The following AK8 variants were observed in gnomAD, a reference collection of about 807,000 sequenced individuals.
AK8 encodes the protein adenylate kinase 8, also known as ATP-AMP transphosphorylase 8.
In AK8, 44 loss-of-function variants were observed where a neutral mutation model predicts 54.6. The observed-to-expected ratio is 0.81, with a 90% confidence interval of 0.63 to 1.04. The LOEUF (loss-of-function observed/expected upper bound fraction) is 1.04, where lower values mean the gene tolerates loss of function less well. AK8 is among the 50% of genes least tolerant of loss of function. AK8 has a pLI of 0.00. For missense variants in AK8, 555 were observed against 613.6 expected (o/e 0.90, Z 1.01); for synonymous variants, 239 against 245.6 (o/e 0.97, Z 0.25).
At chr9:132,844,928 T>C (rs1402931979) in intron 5 of AK8, among the ~76,000 whole-genome samples, 1 of 152,208 alleles carries the variant, frequency 6.6e-6, no homozygotes, top group African/African-American at 2.4e-5. Context: ...AACACTGTGT[T>C]TGCATCTCAG....
At chr9:132,867,177 G>A (rs534443055) in intron 2 of AK8, among the ~76,000 whole-genome samples, 104 of 152,054 alleles carry the variant, frequency 6.8e-4, no homozygotes, top group African/African-American at 2.4e-3. Flanking sequence ...CTGCCTCCAA[G>A]GGGACAGAGA....
intron 11 of AK8, among the ~76,000 whole-genome samples, chr9:132,767,983 T>C (rs1422504843): frequency 1.3e-5 from 2 of 152,178 alleles, no homozygotes; most frequent in African/African-American, 2.4e-5. Flanking sequence ...AGAGGTTGGT[T>C]ACTGGGCAAG....
intron 9 of AK8, among the ~76,000 whole-genome samples, chr9:132,816,439 T>C (rs961009317): frequency 2.0e-5 from 3 of 152,028 alleles, no homozygotes. Context: ...CTGTGCTAAG[T>C]GTGCTTTGTT....
chr9:132,878,806 G>T, upstream of AK8: 2 of 981,084 alleles, frequency 2.0e-6, no homozygotes, highest in South Asian at 4.7e-5. The surrounding 1 kb of genome is among the most constrained non-coding windows in gnomAD (Gnocchi z 4.7). Context: ...CCCGGCTCTG[G>T]CCAAGCCGCC....
chr9:132,877,949 T>C (rs1844208417), intron 1 of AK8: 5 of 1,158,322 alleles, frequency 4.3e-6, no homozygotes, highest in Non-Finnish European at 6.2e-6. Context: ...GCCCCCTTCC[T>C]CCCCCTGGGT....
Position 132,850,145 on chromosome 9 carries a change from C to T in AK8, c.402+4712G>A, listed in dbSNP as rs1432425119. 3.3e-5 allele frequency among the ~76,000 whole-genome samples: 5 copies of T among 149,342 alleles called. No individual in the cohort carries two copies. In the East Asian group the frequency reaches 9.9e-4, roughly 29 times the overall value. On this transcript the variant is annotated intron_variant, in intron 5 of 12. Transcript: ENST00000298545. Reference sequence around the variant, plus strand: ...GTCGGCTCACTGCAACTTCCACCTCCTGGGTTCAAGCCATTCCCCTGCCTC... The same window carrying T: ...GTCGGCTCACTGCAACTTCCACCTCTTGGGTTCAAGCCATTCCCCTGCCTC...
intron 5 of AK8, among the ~76,000 whole-genome samples, chr9:132,830,472 T>C (rs902229585): frequency 4.6e-5 from 7 of 152,244 alleles, no homozygotes; most frequent in Admixed American, 3.3e-4. Context: ...AAATACAGTA[T>C]ACCACTGCTG....
At chr9:132,813,993 G>A (rs1346039612) in intron 10 of AK8, among the ~76,000 whole-genome samples, 1 of 152,070 alleles carries the variant, frequency 6.6e-6, no homozygotes, top group African/African-American at 2.4e-5. Context: ...TAAAGGATGT[G>A]GGGGCAGGAA....
Position 132,790,930 on chromosome 9 carries a change from T to C in AK8, c.1121+1704A>G, listed in dbSNP as rs1839920389. Among the ~76,000 whole-genome samples the C allele has an allele frequency of 6.6e-6, 1 of 152,096 alleles. No individual in the cohort carries two copies. Among genetic ancestry groups the C allele is most frequent in the African/African-American group, 2.4e-5 (1 of 41,396 alleles). ...ATGGAATGAAAATATCTTATTATAATATCAGTAAGAAGAACAAGAGATAAT... is the reference window on the plus strand; with the variant it reads ...ATGGAATGAAAATATCTTATTATAACATCAGTAAGAAGAACAAGAGATAAT... On this transcript the variant is annotated intron_variant, in intron 11 of 12. Coordinates refer to ENST00000298545, the MANE Select transcript of AK8 (RefSeq NM_152572.3). The surrounding 1 kb of genome is among the most constrained non-coding windows in gnomAD (Gnocchi z 4.1).
At chr9:132,739,176 G>A (rs971426994) in intron 11 of AK8, among the ~76,000 whole-genome samples, 3 of 151,768 alleles carry the variant, frequency 2.0e-5, no homozygotes, top group African/African-American at 7.2e-5. Flanking sequence ...TGGGCTGGGC[G>A]TGGTGGCTCA....
At chr9:132,766,318 T>C (rs1838723488) in intron 11 of AK8, among the ~76,000 whole-genome samples, 1 of 152,198 alleles carries the variant, frequency 6.6e-6, no homozygotes, top group Non-Finnish European at 1.5e-5. Context: ...CTCTCTGTGT[T>C]GCCCAGACTG....
In AK8 at chr9:132,791,175, A is replaced by G. The variant is rs771976571; in HGVS notation, c.1121+1459T>C. Reference sequence around the variant, plus strand: ...GGGAGGCCTCAGGAAACTTACAGTCATGGCAAAAGGTAAAGGGGAAGCAAG... The same window carrying G: ...GGGAGGCCTCAGGAAACTTACAGTCGTGGCAAAAGGTAAAGGGGAAGCAAG... On this transcript the variant is annotated intron_variant, in intron 11 of 12. Coordinates refer to ENST00000298545, the MANE Select transcript of AK8 (RefSeq NM_152572.3). This position sits in a 1 kb window ranked among gnomAD's most constrained non-coding sequence, Gnocchi z 4.0. 8.5e-5 allele frequency among the ~76,000 whole-genome samples: 13 copies of G among 152,212 alleles called. No homozygotes were observed. The highest frequency in any genetic ancestry group is 3.2e-3 in the Middle Eastern group (1 of 316).
chr9:132,766,750 C>A (rs988916849), intron 11 of AK8, among the ~76,000 whole-genome samples: 4 of 151,954 alleles, frequency 2.6e-5, no homozygotes, highest in Admixed American at 1.3e-4. Flanking sequence ...GCTATAGTAA[C>A]CAAAATAGTA....
At chr9:132,856,208 A>C (rs1422577091) in intron 4 of AK8, among the ~76,000 whole-genome samples, 1 of 152,182 alleles carries the variant, frequency 6.6e-6, no homozygotes, top group Non-Finnish European at 1.5e-5. Context: ...AATACATTCC[A>C]ATCAGAAAGT....
At chr9:132,745,520 G>A (rs1056361133) in intron 11 of AK8, among the ~76,000 whole-genome samples, 5 of 152,168 alleles carry the variant, frequency 3.3e-5, no homozygotes, top group African/African-American at 9.7e-5. Context: ...CTCCAGAGTC[G>A]GGTGTCTGGG....
At chr9:132,870,470 G>A (rs1843768129) in intron 2 of AK8, among the ~76,000 whole-genome samples, 1 of 152,164 alleles carries the variant, frequency 6.6e-6, no homozygotes, top group African/African-American at 2.4e-5. Flanking sequence ...AAACCCTTAG[G>A]TATTGGAGCT....
At chr9:132,734,194 A>T (rs887259883) in intron 11 of AK8, among the ~76,000 whole-genome samples, 2 of 152,224 alleles carry the variant, frequency 1.3e-5, no homozygotes, top group African/African-American at 4.8e-5. Flanking sequence ...TACAGATTGC[A>T]GGCACCCCTT....
At chr9:132,797,362 T>A (rs215186) in intron 10 of AK8, among the ~76,000 whole-genome samples, 33,018 of 152,048 alleles carry the variant, frequency 0.22, 3,910 homozygotes, top group East Asian at 0.43. Context: ...CAGGAAGTTC[T>A]TTAGTTCCTC....
chr9:132,868,757 T>C (rs1843696200), intron 2 of AK8, among the ~76,000 whole-genome samples: 1 of 152,192 alleles, frequency 6.6e-6, no homozygotes, highest in Non-Finnish European at 1.5e-5. Flanking sequence ...GGCCACCTCC[T>C]TGGCCATCCC....
Sources: gnomAD v4.1 joint callset for allele counts (sites outside exome capture counted in the v4.1 genomes callset) on GRCh38, gnomAD v4.1.1 for gene constraint, Gnocchi (gnomAD v3.1) non-coding constraint, MANE v1.5 for transcripts, NCBI Gene and HGNC (gene_info 2026-07-23, HGNC 2026-07-21) for gene names.